P2RY12: variants seen among roughly 807,000 people sequenced by gnomAD.
P2RY12 encodes P2Y purinoceptor 12.
P2RY12 carries 3 observed loss-of-function variants against 4.5 expected under a neutral mutation model. The observed-to-expected ratio is 0.67, with a 90% CI of 0.31 to 1.74. P2RY12 has a LOEUF of 1.74. Ranked by LOEUF, P2RY12 falls within the 40% of genes most tolerant of loss-of-function variation. P2RY12 has a pLI of 0.09. For synonymous variants in P2RY12, 148 were observed against 154.1 expected (o/e 0.96, Z 0.29); for missense variants, 356 against 407.8 (o/e 0.87, Z 1.09).
chr3:151,384,005 G>A, intron 1 of P2RY12: 5 of 1,518,804 alleles, frequency 3.3e-6, no homozygotes, highest in Non-Finnish European at 4.5e-6. Context: ...AAAATTCTGT[G>A]CCTTGAATAA....
intron 2 of P2RY12, among the ~76,000 whole-genome samples, chr3:151,340,216 C>T (rs1751635567): frequency 6.6e-6 from 1 of 152,132 alleles, no homozygotes; most frequent in African/African-American, 2.4e-5. Context: ...TAGTTCATCC[C>T]TGACCGTTTT....
chr3:151,376,702 T>C (rs766798982), intron 1 of P2RY12: 97 of 976,910 alleles, frequency 9.9e-5, no homozygotes, highest in Non-Finnish European at 1.4e-4. Flanking sequence ...TGTGTATGAT[T>C]ATTCTGCTCT....
chr3:151,380,204 C>T, intron 1 of P2RY12: 1 of 1,604,790 alleles, frequency 6.2e-7, no homozygotes, highest in Non-Finnish European at 8.5e-7. Flanking sequence ...CCTAACATCT[C>T]TCCAGAATCA....
chr3:151,375,043 G>A (rs1756659186), intron 1 of P2RY12, among the ~76,000 whole-genome samples: 1 of 152,228 alleles, frequency 6.6e-6, no homozygotes, highest in South Asian at 2.1e-4. Flanking sequence ...TATGGTAAAA[G>A]ATAGCTACAT....
intron 1 of P2RY12, chr3:151,350,018 C>G (rs776383414): frequency 6.3e-7 from 1 of 1,589,898 alleles, no homozygotes; most frequent in South Asian, 1.1e-5. Context: ...CAACCCCACC[C>G]CTGCAGACAA....
chr3:151,370,567 C>T (rs1481514915), intron 1 of P2RY12, among the ~76,000 whole-genome samples: 1 of 152,170 alleles, frequency 6.6e-6, no homozygotes, highest in African/African-American at 2.4e-5. Context: ...CCACAGCCTC[C>T]TCTGAGTGTA....
rs180886333 is a variant in P2RY12 at position 151,354,395 on chromosome 3, C to G, written c.-179-13635G>C. On this transcript the variant is annotated intron_variant, in intron 1 of 2. Coordinates refer to ENST00000302632, the MANE Select transcript of P2RY12 (RefSeq NM_022788.5). ...CTTTATGCTAATTTGATAAACATGT[C>G]ACTTCTTCATTAATGTGGAATGATT... Among the ~76,000 whole-genome samples, 310 of 152,054 alleles carry G rather than the reference C, an allele frequency of 2.0e-3. 2 individuals carry two copies. Among genetic ancestry groups the G allele is most frequent in the African/African-American group, 7.3e-3 (301 of 41,470 alleles).
chr3:151,366,136 C>T (rs1755240733), intron 1 of P2RY12: 2 of 617,506 alleles, frequency 3.2e-6, no homozygotes, highest in African/African-American at 3.8e-5. Context: ...AAGCAGTAAA[C>T]CACAATGACA....
intron 1 of P2RY12, chr3:151,369,624 A>G: frequency 1.0e-6 from 1 of 957,234 alleles, no homozygotes; most frequent in Admixed American, 2.5e-5. Flanking sequence ...TTCAGGTTTA[A>G]ATCTAGTAGT....
chr3:151,382,756 T>A (rs1176704640), intron 1 of P2RY12: 1 of 1,592,942 alleles, frequency 6.3e-7, no homozygotes, highest in Admixed American at 1.7e-5. Flanking sequence ...GTAAGTGACA[T>A]TTCTAGTATT....
intron 1 of P2RY12, among the ~76,000 whole-genome samples, chr3:151,371,644 A>G (rs894792155): frequency 2.0e-5 from 3 of 152,138 alleles, no homozygotes; most frequent in African/African-American, 7.2e-5. Context: ...TGTTTTGCCC[A>G]CTTGCTGCAA....
intron 1 of P2RY12, chr3:151,355,793 A>G: frequency 2.0e-6 from 2 of 998,458 alleles, no homozygotes; most frequent in Non-Finnish European, 2.8e-6. Flanking sequence ...TCAAAGTAGA[A>G]TCATGTATAG....
intron 2 of P2RY12, among the ~76,000 whole-genome samples, chr3:151,339,512 G>C (rs1465647575): frequency 6.6e-6 from 1 of 151,396 alleles, no homozygotes; most frequent in African/African-American, 2.4e-5. Context: ...TCAAAGATTG[G>C]CCTCACGGAG....
rs752085750 is a variant in P2RY12, at chr3:151,377,149, G to A, written c.-180+7543C>T. 27 of 1,612,966 alleles carry A rather than the reference G, an allele frequency of 1.7e-5. No individual in the cohort carries two copies. The East Asian group carries it at 2.5e-4, about 15-fold the overall frequency. ...TTGGAAGTGCTGATACAAGTAGCAC[G>A]AGACAGAATGGAATAAAGACATTCC... On this transcript the variant is annotated intron_variant, in intron 1 of 2. Coordinates refer to ENST00000302632, the MANE Select transcript of P2RY12 (RefSeq NM_022788.5).
rs188124030 is a variant in P2RY12, at chr3:151,339,575, T to C, written c.-14-716A>G. ...ACCCATGTGTATCTTATTTCCAACT[T>C]TCCTCAGTGTTTTGAAGTTGCTGCA... On this transcript the variant is annotated intron_variant, in intron 2 of 2. Transcript: ENST00000302632. Among the ~76,000 whole-genome samples, 271 of 152,206 alleles carry C rather than the reference T, an allele frequency of 1.8e-3. 2 individuals carry two copies. The highest frequency in any genetic ancestry group is 6.3e-3 in the African/African-American group (262 of 41,562).
rs186287395 is a variant in P2RY12 at position 151,355,893 on chromosome 3, C to A, written c.-179-15133G>T. 2.0e-3 allele frequency: 3,278 copies of A among 1,602,556 alleles called. 5 individuals carry two copies. Among genetic ancestry groups the A allele is most frequent in the Non-Finnish European group, 2.6e-3 (3,105 of 1,176,620 alleles). ...TACAATATTTTTGTTTTTATTTGCA[C>A]AGATTTCTAACAATGTGCTAGAACA... On this transcript the variant is annotated intron_variant, in intron 1 of 2. Coordinates refer to ENST00000302632, the MANE Select transcript of P2RY12 (RefSeq NM_022788.5).
Position 151,337,739 on chromosome 3 carries a change from G to T in P2RY12, c.*78C>A. 1 of 1,428,918 alleles carries T rather than the reference G, an allele frequency of 7.0e-7. No homozygotes were observed. The highest frequency in any genetic ancestry group is 9.7e-7 in the Non-Finnish European group (1 of 1,026,918). The allele number at this position is 1,428,918 out of a possible 1,614,324, so 88.5% of individuals were successfully genotyped here. ...TATTAACTTAGTTGCTTCTTCGTCA[G>T]TTAATATTTTTACTTAGCGCTTTGC... On this transcript the variant is annotated 3_prime_UTR_variant, in exon 3 of 3. Transcript: ENST00000302632.
intron 1 of P2RY12, chr3:151,360,388 A>G: frequency 8.2e-7 from 1 of 1,218,796 alleles, no homozygotes; most frequent in Non-Finnish European, 1.2e-6. Context: ...TACCCAAGTG[A>G]TACATATTTT....
intron 1 of P2RY12, chr3:151,376,767 C>T (rs1272383949): frequency 1.2e-5 from 19 of 1,535,044 alleles, no homozygotes; most frequent in Non-Finnish European, 1.6e-5. Context: ...CATTTGATAC[C>T]CATAATGTTT....
Sources: allele counts gnomAD v4.1 joint callset (sites outside exome capture counted in the v4.1 genomes callset), GRCh38; gene constraint gnomAD v4.1.1; transcripts MANE v1.5; gene names NCBI Gene and HGNC (gene_info 2026-07-23, HGNC 2026-07-21).